FHIP2B: variants seen among roughly 807,000 people sequenced by gnomAD.
The protein encoded by FHIP2B is FHF complex subunit HOOK-interacting protein 2B.
A neutral mutation model predicts 84.0 loss-of-function variants in FHIP2B; 72 were observed. That is an observed-to-expected ratio of 0.86 (90% CI 0.71 to 1.04). The LOEUF (loss-of-function observed/expected upper bound fraction) is 1.04, where lower values mean the gene tolerates loss of function less well. Ranked by LOEUF, FHIP2B falls within the 50% of genes least tolerant of loss-of-function variation. The pLI, the probability that FHIP2B is intolerant of heterozygous loss-of-function variation, is 0.00. For synonymous variants in FHIP2B, 497 were observed against 418.7 expected (o/e 1.19, Z -2.28); for missense variants, 972 against 968.9 (o/e 1.00, Z -0.04).
At position 22,097,785 on chromosome 8, in the gene FHIP2B, C is replaced by T. The variant is rs771861790; in HGVS notation, c.471C>T (p.Thr157=). 30 of 1,613,428 alleles carry T rather than the reference C, an allele frequency of 1.9e-5. No individual in the cohort carries two copies. The highest frequency in any genetic ancestry group is 4.5e-5 in the East Asian group (2 of 44,892). The change falls in exon 5 of 17, where the codon ACC becomes ACT. Residue 157 remains threonine, a synonymous_variant. Transcript: ENST00000289921. ...AAAAGGAGGAGGTGCAGTTCACCAC[C>T]GTCCTCTGCTCCAAGATCCAGCAGG... ...VTEKEEVQFT[T]VLCSKIQQDP... is the part of the protein sequence containing the mutation.
chr8:22,100,583 T>G lies in FHIP2B; in HGVS notation c.1342-11T>G. The G allele has an allele frequency of 6.5e-7, 1 of 1,528,936 alleles. No individual in the cohort carries two copies. The highest frequency in any genetic ancestry group is 1.3e-5 in the South Asian group (1 of 77,460). 94.7% of individuals were successfully genotyped at this position (1,528,936 alleles called of 1,614,324 possible). ...GAAGGGGCTATCCTGCCGACCCCCT[T>G]CCTGCTCCAGATCAGCATCACCACA... On this transcript the variant is annotated splice_polypyrimidine_tract_variant and intron_variant, in intron 10 of 16. Coordinates refer to ENST00000289921, the MANE Select transcript of FHIP2B (RefSeq NM_022749.7).
In FHIP2B at chr8:22,098,098, T is replaced by A; in HGVS notation, c.556T>A (p.Cys186Ser). ...GKKIVGRKKA[C>S]GEPTALPKDT... ...AAAGATTGTAGGTAGGAAGAAAGCA[T>A]GCGGAGAACCCACTGCCCTGCCTAA... Residue 186 changes from cysteine (C) to serine (S), a missense_variant, in exon 6 of 17, where the codon TGC becomes AGC. Cys to Ser is a moderately radical substitution (Grantham distance 112). Coordinates refer to ENST00000289921, the MANE Select transcript of FHIP2B (RefSeq NM_022749.7). 1 of 1,591,492 alleles carries A rather than the reference T, an allele frequency of 6.3e-7. No homozygotes were observed. Among genetic ancestry groups the A allele is most frequent in the Non-Finnish European group, 8.6e-7 (1 of 1,169,240 alleles).
chr8:22,101,130 C>T, intron 12 of FHIP2B, 158 bp downstream of exon 12: 1 of 939,446 alleles, frequency 1.1e-6, no homozygotes, highest in Non-Finnish European at 1.6e-6. Flanking sequence ...CCAAGCGATT[C>T]CTGTGCCTCA....
At chr8:22,102,013 AAC>A in intron 14 of FHIP2B, 160 bp from the exon 15 acceptor site, 3 of 1,515,380 alleles carry the variant, frequency 2.0e-6, no homozygotes, top group Non-Finnish European at 2.6e-6. Context: ...CACACGTCCT[AAC>A]ACGTTCTGGC....
At chr8:22,099,987 A>C in intron 10 of FHIP2B, 94 bp downstream of exon 10, 1 of 1,315,970 alleles carries the variant, frequency 7.6e-7, no homozygotes. Flanking sequence ...TTCCCAGTTG[A>C]CTCCACCTTT....
intron 2 of FHIP2B, chr8:22,095,753 G>C (rs1475452674): frequency 1.3e-5 from 2 of 152,318 alleles, no homozygotes; most frequent in Non-Finnish European, 2.9e-5. Flanking sequence ...AACACACACT[G>C]AGACTCTGAC....
intron 6 of FHIP2B, 36 bp from the exon 7 acceptor site, chr8:22,098,387 C>A: frequency 1.9e-6 from 3 of 1,554,036 alleles, no homozygotes; most frequent in Non-Finnish European, 2.6e-6. Flanking sequence ...TGGGGGCTCA[C>A]ATGCATGTCC....
chr8:22,094,575 G>A (rs764371910), intron 2 of FHIP2B, 57 bp downstream of exon 2: 4 of 1,602,848 alleles, frequency 2.5e-6, no homozygotes, highest in East Asian at 2.3e-5. Context: ...AGGAAGGAGT[G>A]TGCAGAGTGT....
At chr8:22,100,812 A>G (rs1291376982) in intron 11 of FHIP2B, 32 bp from the exon 12 acceptor site, 5 of 1,613,398 alleles carry the variant, frequency 3.1e-6, no homozygotes, top group Non-Finnish European at 4.2e-6. Context: ...CCATTCATTC[A>G]CTGGTGCCGT....
chr8:22,093,429 A>C (rs2131688187), intron 1 of FHIP2B, among the ~76,000 whole-genome samples: 1 of 152,264 alleles, frequency 6.6e-6, no homozygotes, highest in South Asian at 2.1e-4. Context: ...CTCATGGAAA[A>C]GGGGGAGGTT....
At chr8:22,094,031 G>A (rs370571113) in intron 1 of FHIP2B, among the ~76,000 whole-genome samples, 89 of 152,114 alleles carry the variant, frequency 5.9e-4, no homozygotes, top group African/African-American at 2.1e-3. Context: ...CCACATTTTC[G>A]ATCTGTATCA....
chr8:22,099,692 C>G lies in FHIP2B; in HGVS notation c.1152-12C>G, dbSNP rs369298566. On this transcript the variant is annotated splice_polypyrimidine_tract_variant and intron_variant, in intron 9 of 16. Transcript: ENST00000289921. ...ACACACCGGGCCTGGCTAAGGTGCC[C>G]TCTTCCCGTAGGTCCGAGCAGAGCA... 1.3e-6 allele frequency: 2 copies of G among 1,559,070 alleles called. No individual in the cohort carries two copies. Among genetic ancestry groups the G allele is most frequent in the Non-Finnish European group, 1.7e-6 (2 of 1,158,336 alleles).
At chr8:22,095,820 C>T (rs1030323054) in intron 2 of FHIP2B, 1 of 152,618 alleles carries the variant, frequency 6.6e-6, no homozygotes, top group Admixed American at 6.5e-5. Context: ...GGGAGCAGGA[C>T]TGGGTCAGAC....
At position 22,096,384 on chromosome 8, in the gene FHIP2B, CA is replaced by C. The variant is rs1825767901; in HGVS notation, c.173del (p.Gln58ArgfsTer123). On this transcript the variant is annotated frameshift_variant, in exon 3 of 17. Coordinates refer to ENST00000289921, the MANE Select transcript of FHIP2B (RefSeq NM_022749.7). LOFTEE classifies it high-confidence loss of function. The stretch of plus-strand genomic sequence containing the variant: ...GACAGACATTCCCTGGCGGCTGAAG[CA>C]GATGCTGGATATCCTGGTGTATGAA... ...KKTDIPWRLK[Q>X]MLDILVYEEQ... 1.3e-6 allele frequency: 2 copies of C among 1,559,188 alleles called. No homozygotes were observed. The highest frequency in any genetic ancestry group is 2.7e-5 in the African/African-American group (2 of 73,586).
In FHIP2B at chr8:22,100,751, C is replaced by T. The variant is rs755820017; in HGVS notation, c.1487+12C>T. 10 of 1,604,598 alleles carry T rather than the reference C, an allele frequency of 6.2e-6. No homozygotes were observed. The highest frequency in any genetic ancestry group is 4.5e-5 in the East Asian group (2 of 44,690). The stretch of plus-strand genomic sequence containing the variant: ...TATGAGGACACCCTGTAAGTGAAAC[C>T]GGCGCCCTTTGGACTCAGCCCAGCC... On this transcript the variant is annotated intron_variant, in intron 11 of 16. Coordinates refer to ENST00000289921, the MANE Select transcript of FHIP2B (RefSeq NM_022749.7).
intron 11 of FHIP2B, 36 bp from the exon 12 acceptor site, chr8:22,100,808 A>G (rs1036485687): frequency 6.2e-7 from 1 of 1,613,322 alleles, no homozygotes; most frequent in South Asian, 1.1e-5. Flanking sequence ...CTGTCCATTC[A>G]TTCACTGGTG....
At chr8:22,097,867 G>A (rs373744765) in intron 5 of FHIP2B, 28 bp downstream of exon 5, 2 of 1,607,492 alleles carry the variant, frequency 1.2e-6, no homozygotes, top group Non-Finnish European at 1.7e-6. Context: ...GAACAGGAGG[G>A]GGAGGGCCCA....
At chr8:22,102,666 G>A (rs1350228839) in intron 16 of FHIP2B, 38 bp downstream of exon 16, 3 of 1,567,590 alleles carry the variant, frequency 1.9e-6, no homozygotes, top group South Asian at 1.2e-5. Flanking sequence ...CTTGGGGTGG[G>A]AGAGTGGAAA....
chr8:22,089,787 A>G (rs1224435901), intron 1 of FHIP2B: 4 of 1,286,018 alleles, frequency 3.1e-6, no homozygotes, highest in Non-Finnish European at 4.1e-6. Context: ...GTTGGGGTGC[A>G]GGACGCCCTT....
Sources: gnomAD v4.1 joint callset for allele counts (sites outside exome capture counted in the v4.1 genomes callset) on GRCh38, gnomAD v4.1.1 for gene constraint, MANE v1.5 for transcripts, NCBI Gene and HGNC (gene_info 2026-07-23, HGNC 2026-07-21) for gene names.